The following NR5A2 variants were observed in gnomAD, a reference collection of about 807,000 sequenced individuals.
NR5A2 encodes the protein CYP7A promoter-binding factor.
A neutral mutation model predicts 62.7 loss-of-function variants in NR5A2; 26 were observed. The ratio of observed to expected loss-of-function variants is 0.41; its 90% CI spans 0.30 to 0.58. The LOEUF (loss-of-function observed/expected upper bound fraction) is 0.58, where lower values mean the gene tolerates loss of function less well. NR5A2 is among the 20% of genes least tolerant of loss of function. The pLI is 0.22. For synonymous variants in NR5A2, 246 were observed against 241.7 expected, an observed-to-expected ratio of 1.02 and a Z score of -0.16; for missense variants, 541 against 669.1, an observed-to-expected ratio of 0.81 and a Z score of 2.11.
rs996098423 is a variant in NR5A2, at chr1:200,039,409, C to T, written c.65-249C>T. Among the ~76,000 whole-genome samples the T allele has an allele frequency of 4.6e-5, 7 of 151,954 alleles. No homozygotes were observed. The highest frequency in any genetic ancestry group is 1.4e-4 in the African/African-American group (6 of 41,380). ...GCGTCCTCGCCACCGCCGCCGCCTG[C>T]GCCCTTGCGGAGCCGAACCAGAGGG... is the stretch of plus-strand genomic sequence containing the variant. On this transcript the variant is annotated intron_variant, in intron 1 of 7. Coordinates refer to ENST00000367362, the MANE Select transcript of NR5A2 (RefSeq NM_205860.3). This position sits in a 1 kb window ranked among gnomAD's most constrained non-coding sequence, Gnocchi z 5.1.
intron 6 of NR5A2, among the ~76,000 whole-genome samples, chr1:200,119,440 G>T (rs910588682): frequency 6.6e-6 from 1 of 151,622 alleles, no homozygotes; most frequent in African/African-American, 2.4e-5. Flanking sequence ...GCACCTAAAA[G>T]AGTATCTGGT....
chr1:200,171,756 A>T (rs1281856689), intron 7 of NR5A2, among the ~76,000 whole-genome samples: 2 of 152,176 alleles, frequency 1.3e-5, no homozygotes, highest in African/African-American at 4.8e-5. Flanking sequence ...TCAAAATAAA[A>T]AAAAGAAAGA....
chr1:200,070,072 TA>T (rs1399306332), intron 5 of NR5A2, among the ~76,000 whole-genome samples: 6 of 152,176 alleles, frequency 3.9e-5, no homozygotes, highest in African/African-American at 1.4e-4. Context: ...GTGACATCCT[TA>T]AGTACTTTTC....
chr1:200,096,486 A>G (rs1218277615), intron 5 of NR5A2, among the ~76,000 whole-genome samples: 7 of 152,156 alleles, frequency 4.6e-5, no homozygotes, highest in African/African-American at 7.2e-5. Context: ...ATATGTGGTA[A>G]CAACCCTTCT....
At chr1:200,056,137 A>G (rs16845832) in intron 5 of NR5A2, among the ~76,000 whole-genome samples, 2,909 of 152,280 alleles carry the variant, frequency 0.019, 94 homozygotes, top group African/African-American at 0.067. Flanking sequence ...TTACATACGT[A>G]TATTGCATGT....
chr1:200,064,998 T>C (rs1473215482), intron 5 of NR5A2, among the ~76,000 whole-genome samples: 1 of 152,182 alleles, frequency 6.6e-6, no homozygotes, highest in Non-Finnish European at 1.5e-5. Flanking sequence ...TTGCCCAGGC[T>C]GGTCTCAAAC....
At chr1:200,041,885 T>C (rs1161377973) in intron 2 of NR5A2, among the ~76,000 whole-genome samples, 1 of 152,022 alleles carries the variant, frequency 6.6e-6, no homozygotes, top group Non-Finnish European at 1.5e-5. Flanking sequence ...TGCCTATCTG[T>C]GCCCCTTTGG....
At chr1:200,149,635 C>T (rs1667895844) in intron 7 of NR5A2, among the ~76,000 whole-genome samples, 1 of 152,172 alleles carries the variant, frequency 6.6e-6, no homozygotes, top group Non-Finnish European at 1.5e-5. Flanking sequence ...AGCAGTAGCA[C>T]CTGAGGCCAA....
intron 5 of NR5A2, among the ~76,000 whole-genome samples, chr1:200,107,472 T>C (rs951231808): frequency 6.6e-6 from 1 of 152,076 alleles, no homozygotes; most frequent in African/African-American, 2.4e-5. Context: ...CAGGATAATG[T>C]GAACAGCACA....
At chr1:200,045,654 C>A in intron 4 of NR5A2, 70 bp downstream of exon 4, 1 of 1,281,752 alleles carries the variant, frequency 7.8e-7, no homozygotes, top group Non-Finnish European at 1.1e-6. Context: ...CAACATTGTA[C>A]TTATAGCATG....
chr1:200,173,960 C>G lies in NR5A2; in HGVS notation c.1379-3C>G. On this transcript the variant is annotated splice_polypyrimidine_tract_variant and splice_region_variant and intron_variant, in intron 7 of 7. Transcript: ENST00000367362. ...GCTTTTTTTTTTTTTTTTTTTAATG[C>G]AGATGTCAAAAACCTTGAAAACTTC... is the stretch of plus-strand genomic sequence containing the variant. 3 of 1,288,470 alleles carry G rather than the reference C, an allele frequency of 2.3e-6. No individual in the cohort carries two copies. Among genetic ancestry groups the G allele is most frequent in the East Asian group, 3.0e-5 (1 of 33,286 alleles). The allele number at this position is 1,288,470 out of a possible 1,614,324, so 79.8% of individuals were successfully genotyped here.
intron 5 of NR5A2, among the ~76,000 whole-genome samples, chr1:200,059,112 AAATAAT>A (rs1366597598): frequency 3.3e-5 from 5 of 151,870 alleles, no homozygotes; most frequent in Non-Finnish European, 1.5e-5. Context: ...TTTGTCTTAA[AAATAAT>A]AATAATAATA....
At chr1:200,090,129 C>A (rs2102250884) in intron 5 of NR5A2, among the ~76,000 whole-genome samples, 1 of 152,344 alleles carries the variant, frequency 6.6e-6, no homozygotes, top group Middle Eastern at 3.4e-3. Flanking sequence ...CCCCTCAACT[C>A]TTTCCAACCT....
At chr1:200,148,463 T>TG (rs1415873701) in intron 7 of NR5A2, among the ~76,000 whole-genome samples, 1 of 152,164 alleles carries the variant, frequency 6.6e-6, no homozygotes, top group Non-Finnish European at 1.5e-5. Context: ...AGCCCCCTCC[T>TG]GGGGGTCACC....
chr1:200,093,933 G>A (rs1050380967), intron 5 of NR5A2, among the ~76,000 whole-genome samples: 7 of 152,146 alleles, frequency 4.6e-5, no homozygotes, highest in Non-Finnish European at 4.4e-5. Context: ...GAGGCGGGCG[G>A]ATCACGAGGT....
At chr1:200,118,522 A>T (rs563469654) in intron 6 of NR5A2, among the ~76,000 whole-genome samples, 3 of 152,260 alleles carry the variant, frequency 2.0e-5, no homozygotes, top group African/African-American at 7.2e-5. Flanking sequence ...ATTTATACGT[A>T]CTTGTCCAAG....
intron 5 of NR5A2, among the ~76,000 whole-genome samples, chr1:200,053,569 G>GCGCACACACACACACACACACACA (rs374944913): frequency 7.0e-6 from 1 of 141,994 alleles, no homozygotes; most frequent in African/African-American, 2.7e-5. Flanking sequence ...GCATGCACAC[G>GCGCACACACACACACACACACACA]CACACACACA....
At chr1:200,111,094 G>T (rs1349404775) in intron 5 of NR5A2, 108 bp from the exon 6 acceptor site, 1 of 1,291,348 alleles carries the variant, frequency 7.7e-7, no homozygotes, top group East Asian at 2.5e-5. Flanking sequence ...AGACTTTCTT[G>T]TTTATATGTA....
chr1:200,153,200 A>T (rs1239058239), intron 7 of NR5A2, among the ~76,000 whole-genome samples: 1 of 152,226 alleles, frequency 6.6e-6, no homozygotes, highest in Non-Finnish European at 1.5e-5. Flanking sequence ...ATGGAAGTCT[A>T]AGTAGAGTGG....
Sources: allele counts gnomAD v4.1 joint callset (sites outside exome capture counted in the v4.1 genomes callset), GRCh38; gene constraint gnomAD v4.1.1; non-coding constraint Gnocchi (gnomAD v3.1); transcripts MANE v1.5; gene names NCBI Gene and HGNC (gene_info 2026-07-23, HGNC 2026-07-21).